The following BCOR variants were observed in gnomAD, a reference collection of about 807,000 sequenced individuals.
BCOR encodes BCL6 corepressor, also known as BCL-6 corepressor.
In BCOR, 10 loss-of-function variants were observed where a neutral mutation model predicts 86.7. The ratio of observed to expected loss-of-function variants is 0.12; its 90% CI spans 0.07 to 0.20. The LOEUF is 0.20. Among genes scored for constraint, BCOR ranks in the 10% least tolerant of loss-of-function variants. The probability of loss-of-function intolerance (pLI) is 1.00; values close to 1 mark genes in which losing one functional copy is unlikely to be tolerated. For missense variants in BCOR, 1,259 were observed against 1,452.1 expected (o/e 0.87, Z 2.16); for synonymous variants, 611 against 609.0 (o/e 1.00, Z -0.05).
At chrX:40,063,106 ATGGG>A (rs1569147481) in intron 8 of BCOR, 35 bp from the exon 9 acceptor site, 3 of 599,422 alleles carry the variant, frequency 5.0e-6, no homozygotes, top group African/African-American at 3.2e-5. Flanking sequence ...TGGCGGGCGG[ATGGG>A]AGACGGGAGA....
chrX:40,133,474 T>G (rs1352491194), intron 1 of BCOR, among the ~76,000 whole-genome samples: 1 of 105,388 alleles, frequency 9.5e-6, no homozygotes, highest in Non-Finnish European at 2.0e-5. Flanking sequence ...TTTTTTTCTT[T>G]TTGGAGACGG....
chrX:40,078,172 G>C (rs760789681), intron 1 of BCOR, among the ~76,000 whole-genome samples: 1 of 112,743 alleles, frequency 8.9e-6, no homozygotes, highest in African/African-American at 3.2e-5. Context: ...TTCCCTGGTA[G>C]GAGGTGCTGG....
chrX:40,168,010 T>A (rs767542825), intron 1 of BCOR, among the ~76,000 whole-genome samples: 30 of 112,421 alleles, frequency 2.7e-4, no homozygotes, highest in African/African-American at 9.7e-4. Context: ...CTCTCCTCCC[T>A]TTCCCCTCCC....
intron 1 of BCOR, among the ~76,000 whole-genome samples, chrX:40,154,946 G>A (rs1482685035): frequency 8.9e-6 from 1 of 112,398 alleles, no homozygotes; most frequent in African/African-American, 3.2e-5. Context: ...CCGTCGGCCG[G>A]TAATCGTGGA....
At chrX:40,134,067 G>C (rs896332170) in intron 1 of BCOR, among the ~76,000 whole-genome samples, 1 of 108,206 alleles carries the variant, frequency 9.2e-6, no homozygotes, top group Admixed American at 1.0e-4. Context: ...GAGGAGGTGG[G>C]GCCTGGAGCT....
rs1938400950 is a variant in BCOR at position 40,160,828 on chromosome X, T to A, written c.-41+16179A>T. Among the ~76,000 whole-genome samples the A allele has an allele frequency of 3.8e-5, 4 of 104,302 alleles. No individual in the cohort carries two copies. In the Admixed American group the frequency reaches 4.1e-4, roughly 11 times the overall value. The allele number at this position is 104,302 out of a possible 115,157, so 90.6% of individuals were successfully genotyped here. On this transcript the variant is annotated intron_variant, in intron 1 of 14. Transcript: ENST00000342274. ...ACAGGCACACTCCGCCACGCCCGGC[T>A]AATTTTTTTTTTTTTTTTTGTATTT...
At chrX:40,161,748 C>T (rs936473814) in intron 1 of BCOR, among the ~76,000 whole-genome samples, 23 of 110,192 alleles carry the variant, frequency 2.1e-4, no homozygotes, top group Non-Finnish European at 2.7e-4. Context: ...CTCCTGACCT[C>T]GTGATCCGCC....
intron 1 of BCOR, among the ~76,000 whole-genome samples, chrX:40,160,533 A>AG (rs1335076810): frequency 1.4e-4 from 15 of 108,727 alleles, no homozygotes; most frequent in Non-Finnish European, 1.9e-4. Flanking sequence ...AAAAAAAAAA[A>AG]TCAGTCAATC....
Position 40,097,288 on chromosome X carries a change from G to C in BCOR, c.-114C>G, listed in dbSNP as rs775811627. 6 of 106,382 alleles carry C rather than the reference G, an allele frequency of 5.6e-5. No homozygotes were observed. The highest frequency in any genetic ancestry group is 2.1e-4 in the African/African-American group (6 of 29,102). The allele number at this position is 106,382 out of a possible 1,213,427, so 8.8% of individuals were successfully genotyped here. A position where few individuals can be genotyped will look rare whatever the true frequency, so the allele number is the denominator to read the frequency against. ...TTGAAGTTTTCCCCCAAGCGGACTC[G>C]AGGCGGCGAGAAGGAGCGGGGGGCG... On this transcript the variant is annotated 5_prime_UTR_variant, in exon 1 of 15. Transcript: ENST00000378444.
chrX:40,062,398 C>T lies in BCOR; in HGVS notation c.4174-5G>A, dbSNP rs374084103. The T allele has an allele frequency of 1.2e-5, 14 of 1,202,146 alleles. No homozygotes were observed. Among genetic ancestry groups the T allele is most frequent in the African/African-American group, 1.0e-4 (6 of 57,475 alleles). Reference sequence around the variant, plus strand: ...TCTGAATCTCCGGACAGTCACCTATCATAAAACCAAGCAGCGCACACGGTT... The same window carrying T: ...TCTGAATCTCCGGACAGTCACCTATTATAAAACCAAGCAGCGCACACGGTT... On this transcript the variant is annotated splice_polypyrimidine_tract_variant and splice_region_variant and intron_variant, in intron 9 of 14. Coordinates refer to ENST00000378444, the MANE Select transcript of BCOR (RefSeq NM_001123385.2).
rs1934348939 is a variant in BCOR at position 40,052,414 on chromosome X, A to T, written c.4977-14T>A. ...CAGTTTCGTGGCCTACAAAACAGAA[A>T]GGAAAATGCTTTGAGTTTCCAGTAA... On this transcript the variant is annotated splice_polypyrimidine_tract_variant and intron_variant, in intron 14 of 14. Coordinates refer to ENST00000378444, the MANE Select transcript of BCOR (RefSeq NM_001123385.2). 8.3e-7 allele frequency: 1 copy of T among 1,207,450 alleles called. No homozygotes were observed. Among genetic ancestry groups the T allele is most frequent in the African/African-American group, 1.7e-5 (1 of 57,735 alleles).
At chrX:40,160,210 G>C (rs1396332967) in intron 1 of BCOR, among the ~76,000 whole-genome samples, 1 of 109,875 alleles carries the variant, frequency 9.1e-6, no homozygotes, top group Non-Finnish European at 1.9e-5. Context: ...CCGCCTCCCG[G>C]ATTCACGCCA....
chrX:40,078,976 T>C (rs1935949029), intron 1 of BCOR, among the ~76,000 whole-genome samples: 1 of 111,347 alleles, frequency 9.0e-6, no homozygotes, highest in African/African-American at 3.3e-5. Context: ...TCTTTGGAGG[T>C]TGAGCCGTTT....
chrX:40,060,671 C>T (rs1267292136), intron 10 of BCOR, among the ~76,000 whole-genome samples: 1 of 112,622 alleles, frequency 8.9e-6, no homozygotes, highest in Non-Finnish European at 1.9e-5. Flanking sequence ...GCTGCATCTA[C>T]CCTGTCCTCA....
chrX:40,175,646 A>T (rs1419077263), intron 1 of BCOR, among the ~76,000 whole-genome samples: 1 of 111,676 alleles, frequency 9.0e-6, no homozygotes, highest in Non-Finnish European at 1.9e-5. Context: ...GTCGTCCTAG[A>T]CTCCGCGCAG....
At chrX:40,110,661 C>CTTTTTTTTTTT (rs1569182584) in intron 1 of BCOR, among the ~76,000 whole-genome samples, 5 of 24,727 alleles carry the variant, frequency 2.0e-4, no homozygotes, top group Admixed American at 6.3e-4. Context: ...TTCTTTTTTC[C>CTTTTTTTTTTT]TTTTTCTTTT....
At chrX:40,070,508 T>C (rs1318672137) in intron 6 of BCOR, among the ~76,000 whole-genome samples, 1 of 111,661 alleles carries the variant, frequency 9.0e-6, no homozygotes, top group Non-Finnish European at 1.9e-5. Context: ...GCCTTGGGAT[T>C]CTGTGGCCAA....
At chrX:40,080,961 ACGCACGCACACGCGCACACACACACGCG>A in intron 1 of BCOR, among the ~76,000 whole-genome samples, 1 of 66,158 alleles carries the variant, frequency 1.5e-5, no homozygotes, top group South Asian at 1.2e-3. Flanking sequence ...ACACACGTGC[ACGCACGCACACGCGCACACACACACGCG>A]CACACACACA....
At chrX:40,158,051 A>T (rs952631261) in intron 1 of BCOR, among the ~76,000 whole-genome samples, 1 of 112,245 alleles carries the variant, frequency 8.9e-6, no homozygotes, top group African/African-American at 3.2e-5. Context: ...GGGCTGGAAG[A>T]AATGGCTTGG....
Sources: allele counts gnomAD v4.1 joint callset (sites outside exome capture counted in the v4.1 genomes callset), GRCh38; gene constraint gnomAD v4.1.1; transcripts MANE v1.5; gene names NCBI Gene and HGNC (gene_info 2026-07-23, HGNC 2026-07-21).